Variants in TIAM1 observed in about 807,000 individuals in gnomAD.
The protein encoded by TIAM1 is rho guanine nucleotide exchange factor TIAM1.
A neutral mutation model predicts 163.5 loss-of-function variants in TIAM1; 65 were observed. The observed-to-expected ratio is 0.40, with a 90% CI of 0.33 to 0.49. The LOEUF is 0.49. TIAM1 is among the 20% of genes least tolerant of loss of function. TIAM1 has a pLI of 0.77. For missense variants in TIAM1, 1,789 were observed against 2,044.7 expected (o/e 0.87, Z 2.41); for synonymous variants, 833 against 810.1 (o/e 1.03, Z -0.48).
chr21:31,384,855 T>TATTAATA (rs2076839022), intron 2 of TIAM1, among the ~76,000 whole-genome samples: 1 of 152,166 alleles, frequency 6.6e-6, no homozygotes, highest in Admixed American at 6.5e-5. Flanking sequence ...TTTCAATGTG[T>TATTAATA]ATTAAAAAAT....
intron 1 of TIAM1, among the ~76,000 whole-genome samples, chr21:31,532,814 G>C (rs755087883): frequency 1.6e-4 from 24 of 152,190 alleles, no homozygotes; most frequent in Non-Finnish European, 2.2e-4. Flanking sequence ...CCGTGTGGTG[G>C]CGCATGCCTG....
intron 12 of TIAM1, among the ~76,000 whole-genome samples, chr21:31,198,311 A>G (rs540252117): frequency 3.2e-4 from 48 of 152,350 alleles, no homozygotes; most frequent in African/African-American, 1.1e-3. Context: ...AGCGTTTGCT[A>G]TAATAGAATG....
At chr21:31,334,423 A>G (rs2075777254) in intron 2 of TIAM1, among the ~76,000 whole-genome samples, 1 of 151,850 alleles carries the variant, frequency 6.6e-6, no homozygotes, top group Non-Finnish European at 1.5e-5. Context: ...AATCGATGGG[A>G]TTTTATGCAG....
At chr21:31,505,432 GA>G (rs370349576) in intron 1 of TIAM1, among the ~76,000 whole-genome samples, 271 of 148,416 alleles carry the variant, frequency 1.8e-3, no homozygotes, top group Middle Eastern at 6.9e-3. Flanking sequence ...GAGAGATCAA[GA>G]AAAAAAAAAG....
chr21:31,309,053 C>T (rs889158560), intron 2 of TIAM1, among the ~76,000 whole-genome samples: 3 of 151,938 alleles, frequency 2.0e-5, no homozygotes, highest in Admixed American at 6.6e-5. Context: ...AATCTCTGCA[C>T]GATATACCGA....
In TIAM1 at chr21:31,182,554, G is replaced by C; in HGVS notation, c.2754C>G (p.Pro918=). Reference sequence around the variant, plus strand: ...AGGTCCTCACCAGGAGGCCCAGCGAGGGCTGTGAGAGGAAATCTTTGAGCA... The same window carrying C: ...AGGTCCTCACCAGGAGGCCCAGCGACGGCTGTGAGAGGAAATCTTTGAGCA... ...SSMLKDFLSQ[P]SLGLLVRTYP... The change falls in exon 15 of 28, where the codon CCC becomes CCG. Residue 918 remains proline (P), a synonymous_variant. Coordinates refer to ENST00000541036, the MANE Select transcript of TIAM1 (RefSeq NM_001353694.2). The C allele has an allele frequency of 1.2e-6, 2 of 1,614,114 alleles. No homozygotes were observed. The highest frequency in any genetic ancestry group is 2.2e-5 in the South Asian group (2 of 91,050).
chr21:31,520,227 A>C (rs1602478514), intron 1 of TIAM1, among the ~76,000 whole-genome samples: 1 of 151,694 alleles, frequency 6.6e-6, no homozygotes, highest in East Asian at 1.9e-4. Context: ...GCTACTCGGG[A>C]GGCTGGGACA....
At chr21:31,308,496 T>C (rs1323393639) in intron 2 of TIAM1, among the ~76,000 whole-genome samples, 1 of 151,350 alleles carries the variant, frequency 6.6e-6, no homozygotes, top group Non-Finnish European at 1.5e-5. Context: ...ATATAATTAT[T>C]TTAAACATTT....
At chr21:31,369,987 T>C (rs1406676523) in intron 2 of TIAM1, among the ~76,000 whole-genome samples, 3 of 152,056 alleles carry the variant, frequency 2.0e-5, no homozygotes, top group Non-Finnish European at 4.4e-5. Flanking sequence ...AAATAATTGG[T>C]GTCCTTATAA....
At chr21:31,234,538 C>T (rs113228844) in intron 6 of TIAM1, among the ~76,000 whole-genome samples, 9,915 of 151,948 alleles carry the variant, frequency 0.065, 1,000 homozygotes, top group African/African-American at 0.22. Context: ...CTCAGCACTT[C>T]GGGAGGCTGA....
chr21:31,410,608 T>C (rs2147238619), intron 2 of TIAM1, among the ~76,000 whole-genome samples: 1 of 150,858 alleles, frequency 6.6e-6, no homozygotes, highest in East Asian at 2.0e-4. Context: ...TGTGTGAGAG[T>C]GAATTGAGTG....
chr21:31,276,146 T>C (rs2073289695), intron 3 of TIAM1, among the ~76,000 whole-genome samples: 1 of 151,330 alleles, frequency 6.6e-6, no homozygotes, highest in Non-Finnish European at 1.5e-5. Flanking sequence ...AAGACGGTGT[T>C]GGGGGGTGGG....
At chr21:31,357,885 C>A (rs76218839) in intron 2 of TIAM1, among the ~76,000 whole-genome samples, 3,397 of 152,296 alleles carry the variant, frequency 0.022, 136 homozygotes, top group African/African-American at 0.078. Flanking sequence ...TCCAAGACAC[C>A]ATAAATTCTT....
At chr21:31,304,649 C>T (rs891802860) in intron 2 of TIAM1, among the ~76,000 whole-genome samples, 2 of 152,134 alleles carry the variant, frequency 1.3e-5, no homozygotes, top group African/African-American at 2.4e-5. Flanking sequence ...TAAATCCTGA[C>T]AACAGATTAG....
At chr21:31,547,486 G>C (rs2048536481) in intron 1 of TIAM1, among the ~76,000 whole-genome samples, 2 of 151,982 alleles carry the variant, frequency 1.3e-5, no homozygotes, top group Admixed American at 1.3e-4. Flanking sequence ...CGTCAGCAGG[G>C]GGAAAAAAGG....
chr21:31,543,717 A>G (rs1273768027), intron 1 of TIAM1, among the ~76,000 whole-genome samples: 1 of 152,232 alleles, frequency 6.6e-6, no homozygotes, highest in African/African-American at 2.4e-5. Context: ...GAGGAGAAGT[A>G]ACTCCTGTTT....
chr21:31,446,781 T>C (rs505803), intron 2 of TIAM1, among the ~76,000 whole-genome samples: 124,857 of 152,142 alleles, frequency 0.82, 51,590 homozygotes, highest in East Asian at 0.92. Context: ...CAAAATGTTA[T>C]CGATGTGCTG....
chr21:31,443,069 A>G (rs1440174043), intron 2 of TIAM1, among the ~76,000 whole-genome samples: 1 of 152,230 alleles, frequency 6.6e-6, no homozygotes, highest in Non-Finnish European at 1.5e-5. Flanking sequence ...TTCCACAGAA[A>G]GCGTATCTGC....
intron 1 of TIAM1, among the ~76,000 whole-genome samples, chr21:31,473,168 C>T (rs1436853502): frequency 2.0e-5 from 3 of 152,080 alleles, no homozygotes; most frequent in Non-Finnish European, 4.4e-5. Flanking sequence ...CGGTGGCTCA[C>T]GCCTGTAATC....
Sources: gnomAD v4.1 joint callset for allele counts (sites outside exome capture counted in the v4.1 genomes callset) on GRCh38, gnomAD v4.1.1 for gene constraint, MANE v1.5 for transcripts, NCBI Gene and HGNC (gene_info 2026-07-23, HGNC 2026-07-21) for gene names.